The following EFNA5 variants were observed in gnomAD, a reference collection of about 807,000 sequenced individuals.
EFNA5 encodes ephrin A5.
EFNA5 carries 5 observed loss-of-function variants against 22.9 expected under a neutral mutation model. That is an observed-to-expected ratio of 0.22 (90% CI 0.11 to 0.46). The LOEUF (loss-of-function observed/expected upper bound fraction) is 0.46, where lower values mean the gene tolerates loss of function less well. Ranked by LOEUF, EFNA5 falls within the 20% of genes least tolerant of loss-of-function variation. EFNA5 has a pLI of 0.99. For synonymous variants in EFNA5, 113 were observed against 112.2 expected (o/e 1.01, Z -0.04); for missense variants, 237 against 293.3 (o/e 0.81, Z 1.40).
chr5:107,488,731 G>T (rs777334802), intron 1 of EFNA5, among the ~76,000 whole-genome samples: 1 of 151,492 alleles, frequency 6.6e-6, no homozygotes, highest in African/African-American at 2.4e-5. Flanking sequence ...TTGCTCTGTC[G>T]CCCAGGCTAC....
rs369581081 is a variant in EFNA5 at position 107,602,248 on chromosome 5, A to G, written c.125+68241T>C. Among the ~76,000 whole-genome samples the G allele has an allele frequency of 1.5e-3, 230 of 152,322 alleles. 1 individual carries two copies. Among genetic ancestry groups the G allele is most frequent in the Admixed American group, 2.9e-3 (45 of 15,292 alleles). On this transcript the variant is annotated intron_variant, in intron 1 of 4. Transcript: ENST00000333274. ...CAGGTACCTCACTTATCTATATATAACATGGCTTTTCATAAAATGTTTGTA... is the reference window on the plus strand; with the variant it reads ...CAGGTACCTCACTTATCTATATATAGCATGGCTTTTCATAAAATGTTTGTA...
At chr5:107,436,348 C>T (rs1749110526) in intron 1 of EFNA5, among the ~76,000 whole-genome samples, 2 of 152,176 alleles carry the variant, frequency 1.3e-5, no homozygotes, top group African/African-American at 4.8e-5. Context: ...AGTCTAATTG[C>T]TTCTAAGCCC....
chr5:107,641,003 GATAGATA>G, intron 1 of EFNA5, among the ~76,000 whole-genome samples: 2 of 141,012 alleles, frequency 1.4e-5, no homozygotes, highest in Non-Finnish European at 3.2e-5. Context: ...TAGATAGATA[GATAGATA>G]GATAGATAGA....
At chr5:107,599,984 C>G (rs1188352796) in intron 1 of EFNA5, among the ~76,000 whole-genome samples, 1 of 152,180 alleles carries the variant, frequency 6.6e-6, no homozygotes, top group Admixed American at 6.5e-5. Flanking sequence ...ACCTTCCAAA[C>G]TCAGTAAAAA....
chr5:107,467,321 C>T (rs1750014535), intron 1 of EFNA5, among the ~76,000 whole-genome samples: 1 of 151,990 alleles, frequency 6.6e-6, no homozygotes, highest in Non-Finnish European at 1.5e-5. Context: ...AATCTTCTCT[C>T]AAGCAGTCAA....
At chr5:107,558,442 A>G (rs141019310) in intron 1 of EFNA5, among the ~76,000 whole-genome samples, 66 of 152,304 alleles carry the variant, frequency 4.3e-4, no homozygotes, top group Middle Eastern at 3.4e-3. Context: ...AGCAAAGTAG[A>G]AATCACACCA....
intron 1 of EFNA5, among the ~76,000 whole-genome samples, chr5:107,518,527 C>G (rs1747530357): frequency 1.3e-5 from 2 of 151,104 alleles, no homozygotes; most frequent in Admixed American, 1.3e-4. Context: ...TCAAGGATTG[C>G]AAATGACGTT....
At position 107,421,796 on chromosome 5, in the gene EFNA5, C is replaced by CTT. The variant is rs35309302; in HGVS notation, c.418+5419_418+5420dup. 4.8e-3 allele frequency among the ~76,000 whole-genome samples: 690 copies of CTT among 144,142 alleles called. 10 individuals carry two copies. Among genetic ancestry groups the CTT allele is most frequent in the African/African-American group, 0.015 (578 of 39,310 alleles). 94.6% of individuals were successfully genotyped at this position (144,142 alleles called of 152,430 possible). On this transcript the variant is annotated intron_variant, in intron 2 of 4. Coordinates refer to ENST00000333274, the MANE Select transcript of EFNA5 (RefSeq NM_001962.3). ...ACTTTATCTCCTCATTTCTTTCTTT[C>CTT]TTTTTTTTTTTTTAGACAGAGTTTC...
intron 1 of EFNA5, among the ~76,000 whole-genome samples, chr5:107,433,709 A>G (rs1244389485): frequency 6.6e-6 from 1 of 152,144 alleles, no homozygotes; most frequent in Non-Finnish European, 1.5e-5. Context: ...AGCCTGGGCA[A>G]TATAGTGAGA....
intron 1 of EFNA5, among the ~76,000 whole-genome samples, chr5:107,567,506 A>T (rs905479123): frequency 6.6e-6 from 1 of 152,140 alleles, no homozygotes; most frequent in Non-Finnish European, 1.5e-5. Flanking sequence ...TACTCTGGAG[A>T]GGTGAGAGAA....
At chr5:107,643,698 TG>T (rs1163318355) in intron 1 of EFNA5, among the ~76,000 whole-genome samples, 1 of 149,862 alleles carries the variant, frequency 6.7e-6, no homozygotes, top group East Asian at 2.0e-4. Context: ...AATGGGGGAG[TG>T]GGGACAGGAA....
chr5:107,565,221 T>C (rs748411236), intron 1 of EFNA5, among the ~76,000 whole-genome samples: 2 of 152,106 alleles, frequency 1.3e-5, no homozygotes, highest in Non-Finnish European at 2.9e-5. Flanking sequence ...AAAAAAAATA[T>C]GCGCTGAAAG....
intron 1 of EFNA5, among the ~76,000 whole-genome samples, chr5:107,636,251 G>GA (rs1296728188): frequency 2.0e-5 from 3 of 151,460 alleles, no homozygotes; most frequent in South Asian, 2.1e-4. Flanking sequence ...TGTTAAATGA[G>GA]AAAAAAAAAG....
At chr5:107,510,482 C>A (rs1747347254) in intron 1 of EFNA5, among the ~76,000 whole-genome samples, 1 of 152,282 alleles carries the variant, frequency 6.6e-6, no homozygotes. Context: ...ACTTTCCTTT[C>A]ACTTTACTCT....
intron 1 of EFNA5, among the ~76,000 whole-genome samples, chr5:107,563,285 C>T (rs931616394): frequency 6.6e-6 from 1 of 152,198 alleles, no homozygotes; most frequent in East Asian, 1.9e-4. Context: ...TTTCCCCAAG[C>T]ACCCCACTTT....
chr5:107,655,504 A>G (rs958853179), intron 1 of EFNA5, among the ~76,000 whole-genome samples: 1 of 152,142 alleles, frequency 6.6e-6, no homozygotes, highest in African/African-American at 2.4e-5. Context: ...TATTTTTATT[A>G]CTAGTGGCCA....
intron 1 of EFNA5, among the ~76,000 whole-genome samples, chr5:107,656,040 G>A (rs1376160232): frequency 6.6e-6 from 1 of 152,144 alleles, no homozygotes; most frequent in African/African-American, 2.4e-5. Flanking sequence ...TAAGGAGCAG[G>A]CCCAGACAGG....
chr5:107,426,387 G>A (rs1160393668), intron 2 of EFNA5, among the ~76,000 whole-genome samples: 4 of 152,166 alleles, frequency 2.6e-5, no homozygotes, highest in Non-Finnish European at 4.4e-5. Context: ...CAGCATCTGG[G>A]AGCTTCATAC....
intron 1 of EFNA5, among the ~76,000 whole-genome samples, chr5:107,501,551 C>T (rs996420525): frequency 6.6e-6 from 1 of 152,212 alleles, no homozygotes; most frequent in East Asian, 1.9e-4. Flanking sequence ...CTATTTTTCT[C>T]ATTCAACATT....
Sources: allele counts gnomAD v4.1 joint callset (sites outside exome capture counted in the v4.1 genomes callset), GRCh38; gene constraint gnomAD v4.1.1; transcripts MANE v1.5; gene names NCBI Gene and HGNC (gene_info 2026-07-23, HGNC 2026-07-21).